The following HDAC9 variants were observed in gnomAD, a reference collection of about 807,000 sequenced individuals.
The protein encoded by HDAC9 is MEF-2 interacting transcription repressor (MITR) protein.
Under a neutral mutation model 139.4 loss-of-function variants are expected in HDAC9, and 41 were observed. That is an observed-to-expected ratio of 0.29 (90% CI 0.23 to 0.38). The LOEUF is 0.38. Ranked by LOEUF, HDAC9 falls within the 10% of genes least tolerant of loss-of-function variation. The pLI is 1.00. For missense variants in HDAC9, 1,147 were observed against 1,297.0 expected, an observed-to-expected ratio of 0.88 and a Z score of 1.78; for synonymous variants, 517 against 476.2, an observed-to-expected ratio of 1.09 and a Z score of -1.12.
intron 1 of HDAC9, among the ~76,000 whole-genome samples, chr7:18,095,663 A>T (rs751263742): frequency 6.6e-6 from 1 of 152,196 alleles, no homozygotes; most frequent in Admixed American, 6.5e-5. Flanking sequence ...TAAACATTCT[A>T]CTTAGGTATA....
chr7:18,852,847 T>A lies in HDAC9; in HGVS notation c.2684+16850T>A, dbSNP rs1022894034. On this transcript the variant is annotated intron_variant, in intron 21 of 25. Transcript: ENST00000686413. ...GCTGAGGAGATCAAAGTAAAGGAGC[T>A]TTTTTTTTTTCCCTCTCTTTCTTTC... 2.1e-5 allele frequency among the ~76,000 whole-genome samples: 3 copies of A among 142,530 alleles called. No individual in the cohort carries two copies. The East Asian group carries it at 6.0e-4, about 28-fold the overall frequency. The allele number at this position is 142,530 out of a possible 152,430, so 93.5% of individuals were successfully genotyped here.
intron 2 of HDAC9, among the ~76,000 whole-genome samples, chr7:18,256,392 T>A (rs1218238068): frequency 6.6e-6 from 1 of 152,200 alleles, no homozygotes; most frequent in African/African-American, 2.4e-5. Flanking sequence ...GAGCTGTGAT[T>A]GGATTTTAGA....
intron 2 of HDAC9, among the ~76,000 whole-genome samples, chr7:18,563,692 T>C (rs1821325993): frequency 1.3e-5 from 2 of 151,912 alleles, no homozygotes; most frequent in Non-Finnish European, 2.9e-5. Context: ...CTTTGGTATG[T>C]TTTCTTGCCA....
intron 12 of HDAC9, among the ~76,000 whole-genome samples, chr7:18,694,228 T>A (rs1421599759): frequency 1.3e-5 from 2 of 151,972 alleles, no homozygotes; most frequent in Non-Finnish European, 2.9e-5. Context: ...AGACAGAAAC[T>A]CCATAGTTTT....
At chr7:18,969,567 C>A (rs1445419856) in intron 24 of HDAC9, among the ~76,000 whole-genome samples, 1 of 151,938 alleles carries the variant, frequency 6.6e-6, no homozygotes, top group Non-Finnish European at 1.5e-5. Flanking sequence ...AATCAATAAA[C>A]AGAAACTGAC....
At chr7:18,296,675 G>C (rs1406928183) in intron 1 of HDAC9, among the ~76,000 whole-genome samples, 1 of 152,154 alleles carries the variant, frequency 6.6e-6, no homozygotes, top group African/African-American at 2.4e-5. Flanking sequence ...TTGGAAAGGA[G>C]AGCCATGGAA....
At chr7:18,387,993 G>C (rs1786101261) in intron 1 of HDAC9, among the ~76,000 whole-genome samples, 1 of 151,884 alleles carries the variant, frequency 6.6e-6, no homozygotes. Flanking sequence ...CAGTAACCCA[G>C]TGATTTCTTG....
At chr7:18,549,574 G>T (rs938977156) in intron 2 of HDAC9, among the ~76,000 whole-genome samples, 1 of 152,116 alleles carries the variant, frequency 6.6e-6, no homozygotes, top group South Asian at 2.1e-4. Flanking sequence ...CATATGGTAT[G>T]CTTCAATTTA....
chr7:18,532,298 A>G (rs905750439), intron 2 of HDAC9, among the ~76,000 whole-genome samples: 2 of 151,986 alleles, frequency 1.3e-5, no homozygotes, highest in African/African-American at 4.8e-5. Context: ...AAAGAATTAA[A>G]ATACTTCCAT....
At chr7:18,731,472 C>A (rs1786040368) in intron 13 of HDAC9, among the ~76,000 whole-genome samples, 1 of 152,120 alleles carries the variant, frequency 6.6e-6, no homozygotes, top group Non-Finnish European at 1.5e-5. Context: ...TCCTCCACAG[C>A]CCACTGGATT....
At chr7:18,093,798 A>C (rs1018313605) in intron 1 of HDAC9, among the ~76,000 whole-genome samples, 6 of 152,116 alleles carry the variant, frequency 3.9e-5, no homozygotes, top group Non-Finnish European at 8.8e-5. Context: ...TCTATTACTC[A>C]GTCCCTCTTT....
At chr7:18,977,969 G>C (rs865992850) in intron 25 of HDAC9, among the ~76,000 whole-genome samples, 8 of 149,892 alleles carry the variant, frequency 5.3e-5, no homozygotes, top group African/African-American at 2.0e-4. Context: ...CAGAAAGAGA[G>C]AGAGAGAATG....
intron 21 of HDAC9, among the ~76,000 whole-genome samples, chr7:18,847,325 C>T (rs1226176577): frequency 1.3e-5 from 2 of 152,126 alleles, no homozygotes; most frequent in South Asian, 4.1e-4. Context: ...CTTTTCAAAA[C>T]ATTTTTGTTT....
At chr7:18,090,336 A>G (rs1321680100) in intron 1 of HDAC9, among the ~76,000 whole-genome samples, 2 of 152,196 alleles carry the variant, frequency 1.3e-5, no homozygotes, top group Non-Finnish European at 2.9e-5. Context: ...TGCAGATCAG[A>G]TTTTAAATCA....
intron 2 of HDAC9, among the ~76,000 whole-genome samples, chr7:18,572,317 A>ATGTCATATTCACAAATATGACTATT (rs1470168731): frequency 6.7e-6 from 1 of 150,288 alleles, no homozygotes; most frequent in East Asian, 2.0e-4. Flanking sequence ...ATTCATAAAT[A>ATGTCATATTCACAAATATGACTATT]TGTCATATTC....
chr7:18,365,000 A>T (rs907338867), intron 1 of HDAC9, among the ~76,000 whole-genome samples: 9 of 152,118 alleles, frequency 5.9e-5, no homozygotes, highest in Non-Finnish European at 1.2e-4. Context: ...ATTGAAAAGT[A>T]ATGAATACAT....
chr7:18,936,048 G>A, intron 23 of HDAC9, 106 bp downstream of exon 23: 1 of 1,043,212 alleles, frequency 9.6e-7, no homozygotes, highest in East Asian at 2.4e-5. Flanking sequence ...GCTTAACATT[G>A]CTCTTACCAT....
At chr7:18,754,622 T>C (rs1788724674) in intron 14 of HDAC9, among the ~76,000 whole-genome samples, 1 of 152,164 alleles carries the variant, frequency 6.6e-6, no homozygotes, top group African/African-American at 2.4e-5. Context: ...ATAAGCAACA[T>C]ACAGTGCTGA....
intron 2 of HDAC9, among the ~76,000 whole-genome samples, chr7:18,165,132 T>C (rs1490809482): frequency 6.6e-6 from 1 of 152,208 alleles, no homozygotes; most frequent in Non-Finnish European, 1.5e-5. Context: ...AATGTAATTT[T>C]TATCAGAATT....
Sources: gnomAD v4.1 joint callset for allele counts (sites outside exome capture counted in the v4.1 genomes callset) on GRCh38, gnomAD v4.1.1 for gene constraint, MANE v1.5 for transcripts, NCBI Gene and HGNC (gene_info 2026-07-23, HGNC 2026-07-21) for gene names.